Variants in MASP2 observed in about 807,000 individuals in gnomAD.
The protein encoded by MASP2 is mannan-binding lectin serine protease 2.
In MASP2, 49 loss-of-function variants were observed where a neutral mutation model predicts 57.1. The ratio of observed to expected loss-of-function variants is 0.86; its 90% confidence interval spans 0.68 to 1.09. MASP2 has a LOEUF of 1.09. Among genes scored for constraint, MASP2 ranks in the 50% least tolerant of loss-of-function variants. The probability of loss-of-function intolerance (pLI) is 0.00; values close to 1 mark genes in which losing one functional copy is unlikely to be tolerated. For synonymous variants in MASP2, 379 were observed against 340.8 expected, an observed-to-expected ratio of 1.11 and a Z score of -1.24; for missense variants, 900 against 874.8, an observed-to-expected ratio of 1.03 and a Z score of -0.36.
At chr1:11,036,539 A>C (rs1387267418) in intron 7 of MASP2, among the ~76,000 whole-genome samples, 2 of 109,972 alleles carry the variant, frequency 1.8e-5, no homozygotes, top group African/African-American at 4.2e-5. Context: ...AAAAAAAAAC[A>C]AAAAAAAAAG....
intron 6 of MASP2, among the ~76,000 whole-genome samples, chr1:11,039,441 G>C (rs554337147): frequency 2.6e-5 from 4 of 151,828 alleles, no homozygotes; most frequent in Non-Finnish European, 4.4e-5. Flanking sequence ...TGGCTGGCTG[G>C]ATAGAAAGAT....
chr1:11,042,988 C>A lies in MASP2; in HGVS notation c.776G>T (p.Cys259Phe). Residue 259 changes from cysteine (C) to phenylalanine (F), a missense_variant, in exon 6 of 11, where the codon TGT (cysteine) becomes TTT (phenylalanine). Physicochemically the swap from Cys to Phe is radical, Grantham distance 205. Transcript: ENST00000400897. ...AATCCTGTGGGGCAATGTCTTCCCA[C>A]AGAATGGGCCATGTTCTTCTCTGTC... The part of the protein sequence containing the change: ...QTDREEHGPF[C>F]GKTLPHRIET... 1 of 1,614,004 alleles carries A rather than the reference C, an allele frequency of 6.2e-7. No individual in the cohort carries two copies. The highest frequency in any genetic ancestry group is 1.1e-5 in the South Asian group (1 of 91,084).
intron 8 of MASP2, among the ~76,000 whole-genome samples, chr1:11,033,985 T>TCTCTCTCA (rs1378345379): frequency 7.1e-6 from 1 of 140,080 alleles, no homozygotes; most frequent in South Asian, 2.3e-4. Context: ...TCTCTCTCTC[T>TCTCTCTCA]CACACACTTT....
chr1:11,029,766 G>C (rs1400553241), intron 10 of MASP2: 1 of 153,572 alleles, frequency 6.5e-6, no homozygotes, highest in Non-Finnish European at 1.4e-5. Flanking sequence ...AGCCGCTCGA[G>C]TAGCTGGGAT....
intron 4 of MASP2, among the ~76,000 whole-genome samples, chr1:11,044,199 G>T (rs985561222): frequency 6.6e-6 from 1 of 152,184 alleles, no homozygotes; most frequent in Non-Finnish European, 1.5e-5. Flanking sequence ...TGCCCTGGGG[G>T]CTGCTCCTGG....
chr1:11,029,296 G>C (rs1169152555), intron 10 of MASP2, among the ~76,000 whole-genome samples: 1 of 150,850 alleles, frequency 6.6e-6, no homozygotes, highest in Non-Finnish European at 1.5e-5. Flanking sequence ...CACCATGCCT[G>C]GCCCTGATTT....
At chr1:11,041,655 A>G (rs973560328) in intron 6 of MASP2, among the ~76,000 whole-genome samples, 1 of 147,154 alleles carries the variant, frequency 6.8e-6, no homozygotes, top group Non-Finnish European at 1.5e-5. Context: ...GGGTAGGTAG[A>G]AGGATGAGTG....
chr1:11,027,736 T>C, intron 10 of MASP2, 88 bp from the exon 11 acceptor site: 1 of 1,395,432 alleles, frequency 7.2e-7, no homozygotes, highest in Non-Finnish European at 9.7e-7. Flanking sequence ...AGTATATATT[T>C]GATGTCAACC....
intron 7 of MASP2, among the ~76,000 whole-genome samples, chr1:11,035,294 C>T (rs907579970): frequency 6.6e-6 from 1 of 152,018 alleles, no homozygotes; most frequent in African/African-American, 2.4e-5. Context: ...GAGACCAAGG[C>T]GGGTGGATCA....
intron 8 of MASP2, among the ~76,000 whole-genome samples, chr1:11,033,926 GACACACACACAC>G (rs762078074): frequency 2.4e-4 from 33 of 140,128 alleles, no homozygotes; most frequent in East Asian, 6.5e-4. Context: ...GTGAGACTCC[GACACACACACAC>G]ACACACACAC....
At position 11,042,925 on chromosome 1, in the gene MASP2, G is replaced by A. The variant is rs1260799690; in HGVS notation, c.839C>T (p.Thr280Ile). ...GCCTGTGTGGTCTCCTGATTCATCT[G>A]TGACAAAGGTGATGGTCACCGTGTT... ...KSNTVTITFV[T>I]DESGDHTGWK... is the part of the protein sequence containing the mutation. The change falls in exon 6 of 11, where the codon ACA (threonine) becomes ATA (isoleucine). Residue 280 changes from threonine to isoleucine, a missense_variant. By Grantham distance (89) the Thr-to-Ile change is moderately conservative (BLOSUM62 -1). Coordinates refer to ENST00000400897, the MANE Select transcript of MASP2 (RefSeq NM_006610.4). The A allele has an allele frequency of 4.3e-6, 7 of 1,613,928 alleles. No individual in the cohort carries two copies. The highest frequency in any genetic ancestry group is 1.3e-5 in the African/African-American group (1 of 74,928).
At chr1:11,044,751 C>G in intron 4 of MASP2, 5 of 1,468,918 alleles carry the variant, frequency 3.4e-6, no homozygotes, top group Non-Finnish European at 4.5e-6. Flanking sequence ...GAGGAGCGCA[C>G]CCCGCCGCCT....
At chr1:11,030,516 C>T (rs936206090) in intron 9 of MASP2, 1 of 573,908 alleles carries the variant, frequency 1.7e-6, no homozygotes, top group Non-Finnish European at 3.0e-6. Context: ...TAAATTAAAC[C>T]ATTTGGAATA....
intron 4 of MASP2, chr1:11,045,125 G>A (rs1457601323): frequency 9.3e-6 from 7 of 749,656 alleles, no homozygotes; most frequent in Non-Finnish European, 1.4e-5. Context: ...AGATACCCCC[G>A]ACTCTCCCGT....
chr1:11,046,977 T>A lies in MASP2; in HGVS notation c.148A>T (p.Thr50Ser). ...ANDQERRWTL[T>S]APPGYRLRLY... ...CGCAGGCGGTAGCCGGGGGGTGCAGTCAGGGTCCAGCGCCGCTCCTGGTCA... is the reference window on the plus strand; with the variant it reads ...CGCAGGCGGTAGCCGGGGGGTGCAGACAGGGTCCAGCGCCGCTCCTGGTCA... The change falls in exon 2 of 11, where the codon ACT (threonine) becomes TCT (serine). Residue 50 changes from threonine to serine, a missense_variant. Thr to Ser is a moderately conservative substitution (Grantham distance 58, BLOSUM62 1). Coordinates refer to ENST00000400897, the MANE Select transcript of MASP2 (RefSeq NM_006610.4). 6.4e-7 allele frequency: 1 copy of A among 1,559,500 alleles called. No individual in the cohort carries two copies. Among genetic ancestry groups the A allele is most frequent in the South Asian group, 1.2e-5 (1 of 84,680 alleles).
intron 6 of MASP2, among the ~76,000 whole-genome samples, chr1:11,041,689 GTA>G: frequency 6.6e-6 from 1 of 151,588 alleles, no homozygotes; most frequent in South Asian, 2.1e-4. Context: ...ATGGCTGGAA[GTA>G]TGGGTGAGTG....
At chr1:11,030,486 A>C in intron 9 of MASP2, 1 of 580,162 alleles carries the variant, frequency 1.7e-6, no homozygotes. Context: ...CAAGTGCTTA[A>C]TGATAAGGTG....
At chr1:11,042,805 A>C in intron 6 of MASP2, 70 bp downstream of exon 6, 1 of 1,546,858 alleles carries the variant, frequency 6.5e-7, no homozygotes, top group Non-Finnish European at 8.8e-7. Context: ...TACACTCTAC[A>C]GCTCCTTGAC....
chr1:11,027,313 T>C lies in MASP2; in HGVS notation c.1633A>G (p.Asn545Asp), dbSNP rs766303576. ...LIKLNNKVVI[N>D]SNITPICLPR... is the part of the protein sequence containing the mutation. ...AGACAAATAGGCGTGATGTTGCTAT[T>C]GATTACAACTTTGTTATTCAATTTA... Residue 545 changes from asparagine (N) to aspartate (D), a missense_variant, in exon 11 of 11, where the codon AAT becomes GAT. Transcript: ENST00000400897. 109 of 1,613,946 alleles carry C rather than the reference T, an allele frequency of 6.8e-5. No homozygotes were observed. Among genetic ancestry groups the C allele is most frequent in the Non-Finnish European group, 8.2e-5 (97 of 1,179,902 alleles).
Sources: allele counts gnomAD v4.1 joint callset (sites outside exome capture counted in the v4.1 genomes callset), GRCh38; gene constraint gnomAD v4.1.1; transcripts MANE v1.5; gene names NCBI Gene and HGNC (gene_info 2026-07-23, HGNC 2026-07-21).